RCC1: variants seen among roughly 807,000 people sequenced by gnomAD.
The protein encoded by RCC1 is regulator of chromosome condensation 1.
In RCC1, 11 loss-of-function variants were observed where a neutral mutation model predicts 44.4. The observed-to-expected ratio is 0.25, with a 90% CI of 0.16 to 0.41. The LOEUF (loss-of-function observed/expected upper bound fraction) is 0.41, where lower values mean the gene tolerates loss of function less well. Among genes scored for constraint, RCC1 ranks in the 10% least tolerant of loss-of-function variants. RCC1 has a pLI of 1.00. For missense variants in RCC1, 386 were observed against 547.1 expected (o/e 0.71, Z 2.94); for synonymous variants, 213 against 216.5 (o/e 0.98, Z 0.14).
At position 28,530,600 on chromosome 1, in the gene RCC1, C is replaced by A. The variant is rs765062280; in HGVS notation, c.73+661C>A. The A allele has an allele frequency of 1.8e-5, 29 of 1,604,508 alleles. No homozygotes were observed. The African/African-American group carries it at 2.7e-4, about 15-fold the overall frequency. On this transcript the variant is annotated intron_variant, in intron 5 of 12. Coordinates refer to ENST00000683442, the MANE Select transcript of RCC1 (RefSeq NM_001381865.2). ...TGCCTGCGGGCCGAGCCCTCCTGAC[C>A]AGAAAACCCGACCAGGTGGCTCCGC...
intron 12 of RCC1, among the ~76,000 whole-genome samples, chr1:28,537,549 GGT>G (rs1336411144): frequency 1.3e-5 from 2 of 152,204 alleles, no homozygotes; most frequent in Non-Finnish European, 2.9e-5. Context: ...CAGTCTCAAA[GGT>G]GGCTGGTCCT....
chr1:28,528,582 C>A (rs374095230), intron 4 of RCC1, among the ~76,000 whole-genome samples: 22 of 152,118 alleles, frequency 1.4e-4, no homozygotes, highest in African/African-American at 4.8e-4. Context: ...GAGCTGAGAT[C>A]ATGCCTGTGC....
In RCC1 at chr1:28,536,934, A is replaced by C. The variant is rs1398152684; in HGVS notation, c.1090+35A>C. The C allele has an allele frequency of 1.2e-6, 2 of 1,607,152 alleles. No individual in the cohort carries two copies. The highest frequency in any genetic ancestry group is 1.7e-6 in the Non-Finnish European group (2 of 1,177,016). ...GCTGCCTACACTCTGTCTAGTTGGGACCTGGGGGTCATGGTTCTTACCCAA... is the reference window on the plus strand; with the variant it reads ...GCTGCCTACACTCTGTCTAGTTGGGCCCTGGGGGTCATGGTTCTTACCCAA... On this transcript the variant is annotated intron_variant, in intron 12 of 12. Transcript: ENST00000683442. This position sits in a 1 kb window ranked among gnomAD's most constrained non-coding sequence, Gnocchi z 4.9.
At position 28,516,759 on chromosome 1, in the gene RCC1, CAGAG is replaced by C. The variant is rs139141175; in HGVS notation, c.-104_-101del. On this transcript the variant is annotated 5_prime_UTR_variant, in exon 4 of 13. The change abolishes the stop of an existing upstream ORF in the 5' untranslated region. Coordinates refer to ENST00000683442, the MANE Select transcript of RCC1 (RefSeq NM_001381865.2). ...TGTGTAAGATCTTGGAGGAAGACAG[CAGAG>C]AGAGAGAGAGAGATCAGAGATCCCA... 3.7e-4 allele frequency: 155 copies of C among 423,644 alleles called. 1 individual carries two copies. Among genetic ancestry groups the C allele is most frequent in the South Asian group, 1.3e-3 (74 of 58,486 alleles). The allele number at this position is 423,644 out of a possible 1,614,324, so 26.2% of individuals were successfully genotyped here.
rs1335141483 is a variant in RCC1 at position 28,508,862 on chromosome 1, A to G, written c.-196A>G. On this transcript the variant is annotated 5_prime_UTR_variant, in exon 3 of 13. Coordinates refer to ENST00000683442, the MANE Select transcript of RCC1 (RefSeq NM_001381865.2). ...GACGATCTGCACTTCGCATTTTGGC[A>G]TTGACATTTAATTTTAGGGTCCTTT... 3.9e-6 allele frequency: 2 copies of G among 517,280 alleles called. No homozygotes were observed. The highest frequency in any genetic ancestry group is 3.9e-5 in the African/African-American group (2 of 51,782). 32.0% of individuals were successfully genotyped at this position (517,280 alleles called of 1,614,324 possible).
chr1:28,535,391 T>A lies in RCC1; in HGVS notation c.661+11T>A. 1 of 1,613,762 alleles carries A rather than the reference T, an allele frequency of 6.2e-7. No individual in the cohort carries two copies. The highest frequency in any genetic ancestry group is 8.5e-7 in the Non-Finnish European group (1 of 1,179,872). On this transcript the variant is annotated intron_variant, in intron 9 of 12. Coordinates refer to ENST00000683442, the MANE Select transcript of RCC1 (RefSeq NM_001381865.2). ...GCCGGCAAGGCCTCGGTAAGTGGCC[T>A]TGGTACCTCCAGCAGGGCAAATTGG...
intron 4 of RCC1, among the ~76,000 whole-genome samples, chr1:28,523,024 T>C (rs1176243068): frequency 2.3e-5 from 3 of 132,904 alleles, no homozygotes; most frequent in African/African-American, 5.8e-5. Flanking sequence ...GCAGAAGAAA[T>C]TTCTTTTTTT....
chr1:28,507,610 T>C lies in RCC1; in HGVS notation c.-261-518T>C, dbSNP rs780612923. Reference sequence around the variant, plus strand: ...AATCTGGATTGAAGTCTTTTTTTTTTTTTTTTTTTTTGGAGATGGAGTCGC... The same window carrying C: ...AATCTGGATTGAAGTCTTTTTTTTTCTTTTTTTTTTTGGAGATGGAGTCGC... On this transcript the variant is annotated intron_variant, in intron 1 of 12. Coordinates refer to ENST00000683442, the MANE Select transcript of RCC1 (RefSeq NM_001381865.2). 1.3e-3 allele frequency: 614 copies of C among 480,854 alleles called. 3 individuals carry two copies. The highest frequency in any genetic ancestry group is 0.011 in the African/African-American group (529 of 48,990). The allele number at this position is 480,854 out of a possible 1,614,324, so 29.8% of individuals were successfully genotyped here. A position where few individuals can be genotyped will look rare whatever the true frequency, so the allele number is the denominator to read the frequency against.
chr1:28,535,844 T>C, intron 9 of RCC1, 27 bp from the exon 10 acceptor site: 1 of 1,602,752 alleles, frequency 6.2e-7, no homozygotes, highest in Non-Finnish European at 8.5e-7. Context: ...TGTCTGTCAC[T>C]GACCGTGGCT....
chr1:28,506,635 G>C (rs1280172305), intron 1 of RCC1: 1 of 181,594 alleles, frequency 5.5e-6, no homozygotes. Context: ...GCCTCTGAAG[G>C]TGCACCGCCA....
rs1664542547 is a variant in RCC1 at position 28,536,116 on chromosome 1, G to T, written c.817+90G>T. ...TCATTCATTGTGCATCCTTTGCGGG[G>T]TCGTCTAACCCCTCCAAGCCAGTTT... On this transcript the variant is annotated intron_variant, in intron 10 of 12. Transcript: ENST00000683442. The surrounding 1 kb of genome is among the most constrained non-coding windows in gnomAD (Gnocchi z 4.9). 6.5e-7 allele frequency: 1 copy of T among 1,543,046 alleles called. No homozygotes were observed. Among genetic ancestry groups the T allele is most frequent in the Non-Finnish European group, 8.8e-7 (1 of 1,142,358 alleles).
At chr1:28,530,436 G>A (rs1039815136) in intron 5 of RCC1, 6 of 1,263,390 alleles carry the variant, frequency 4.7e-6, no homozygotes, top group East Asian at 2.5e-5. Context: ...CTGGGACCCC[G>A]GAGGGGGACA....
intron 5 of RCC1, chr1:28,530,567 T>G: frequency 1.2e-6 from 2 of 1,606,520 alleles, no homozygotes; most frequent in Non-Finnish European, 8.5e-7. Context: ...CGCCCGCTCC[T>G]GCCAAGGTGC....
chr1:28,529,834 A>G, intron 4 of RCC1, 24 bp from the exon 5 acceptor site: 2 of 1,585,832 alleles, frequency 1.3e-6, no homozygotes, highest in Non-Finnish European at 1.7e-6. Flanking sequence ...CATTTCTCAT[A>G]TGTAGTATTT....
chr1:28,531,431 C>T (rs1664166330), intron 5 of RCC1, among the ~76,000 whole-genome samples: 1 of 151,782 alleles, frequency 6.6e-6, no homozygotes, highest in Admixed American at 6.6e-5. Flanking sequence ...CAAGGCTGGT[C>T]TCTTAACTCC....
Position 28,526,590 on chromosome 1 carries a change from A to G in RCC1, c.-9-3268A>G, listed in dbSNP as rs556797118. ...AGAAGCAACAATTTCTGTAGGACAC[A>G]CAAAGGTGAAATCCAAAGGATAGGG... On this transcript the variant is annotated intron_variant, in intron 4 of 12. Coordinates refer to ENST00000683442, the MANE Select transcript of RCC1 (RefSeq NM_001381865.2). The G allele has an allele frequency of 1.3e-5, 7 of 556,038 alleles. No homozygotes were observed. In the Admixed American group the frequency reaches 1.7e-4, roughly 14 times the overall value. 34.4% of individuals were successfully genotyped at this position (556,038 alleles called of 1,614,324 possible). A position where few individuals can be genotyped will look rare whatever the true frequency, so the allele number is the denominator to read the frequency against.
rs35620401 is a variant in RCC1 at position 28,535,919 on chromosome 1, G to A, written c.710G>A (p.Arg237Gln). 449 of 1,614,046 alleles carry A rather than the reference G, an allele frequency of 2.8e-4. 8 individuals carry two copies. The Admixed American group carries it at 7.2e-3, about 26-fold the overall frequency. The change falls in exon 10 of 13, where the codon CGG (arginine) becomes CAG (glutamine). Residue 237 changes from arginine to glutamine, a missense_variant. Coordinates refer to ENST00000683442, the MANE Select transcript of RCC1 (RefSeq NM_001381865.2). ...KCVMLKSRGS[R>Q]GHVRFQDAFC... The stretch of plus-strand genomic sequence containing the variant: ...GTGATGCTGAAATCCAGGGGAAGCC[G>A]GGGCCACGTGAGATTCCAGGATGCC...
At chr1:28,512,627 C>T (rs1362193479) in intron 3 of RCC1, among the ~76,000 whole-genome samples, 1 of 152,066 alleles carries the variant, frequency 6.6e-6, no homozygotes, top group Non-Finnish European at 1.5e-5. Context: ...CTAATGTAGG[C>T]ATTTAGTGCT....
intron 7 of RCC1, among the ~76,000 whole-genome samples, chr1:28,534,845 T>G (rs924069375): frequency 1.3e-5 from 2 of 152,210 alleles, no homozygotes; most frequent in African/African-American, 4.8e-5. Flanking sequence ...CCAGACTTGT[T>G]TATCTCTATT....
Sources: allele counts gnomAD v4.1 joint callset (sites outside exome capture counted in the v4.1 genomes callset), GRCh38; gene constraint gnomAD v4.1.1; non-coding constraint Gnocchi (gnomAD v3.1); transcripts MANE v1.5; gene names NCBI Gene and HGNC (gene_info 2026-07-23, HGNC 2026-07-21).